ATP13A2: variants seen among roughly 807,000 people sequenced by gnomAD.
The protein encoded by ATP13A2 is polyamine-transporting ATPase 13A2.
ATP13A2 carries 83 observed loss-of-function variants against 138.3 expected under a neutral mutation model. That is an observed-to-expected ratio of 0.60 (90% CI 0.50 to 0.72). ATP13A2 has a LOEUF of 0.72. Ranked by LOEUF, ATP13A2 falls within the 30% of genes least tolerant of loss-of-function variation. ATP13A2 has a pLI of 0.00. For synonymous variants in ATP13A2, 663 were observed against 699.0 expected (o/e 0.95, Z 0.81); for missense variants, 1,402 against 1,606.4 (o/e 0.87, Z 2.17).
In ATP13A2 at chr1:17,005,564, C is replaced by T. The variant is rs200587951; in HGVS notation, c.106-8G>A. ...ACAGTAGCCGCTGAGCCTCTGCGAA[C>T]GCAGCGAGAGAGGGCCCAGGTCGGG... On this transcript the variant is annotated splice_polypyrimidine_tract_variant and splice_region_variant and intron_variant, in intron 2 of 28. Transcript: ENST00000326735. The T allele has an allele frequency of 9.5e-4, 1,533 of 1,614,108 alleles. 1 individual carries two copies. Among genetic ancestry groups the T allele is most frequent in the Non-Finnish European group, 1.1e-3 (1,321 of 1,180,056 alleles).
At chr1:17,001,771 G>A (rs1046687776) in intron 8 of ATP13A2, among the ~76,000 whole-genome samples, 1 of 152,198 alleles carries the variant, frequency 6.6e-6, no homozygotes, top group East Asian at 1.9e-4. Flanking sequence ...AGATGCTCAG[G>A]CTGCGTGGAT....
chr1:17,004,486 G>T lies in ATP13A2; in HGVS notation c.478-75C>A. 1 of 1,572,582 alleles carries T rather than the reference G, an allele frequency of 6.4e-7. No homozygotes were observed. Among genetic ancestry groups the T allele is most frequent in the Non-Finnish European group, 8.7e-7 (1 of 1,149,612 alleles). ...AAGCAGTGTGCTTATGCTGGGAGCC[G>T]AGGGATGGGGGTAGGGGGCAGGGAC... On this transcript the variant is annotated intron_variant, in intron 5 of 28. Coordinates refer to ENST00000326735, the MANE Select transcript of ATP13A2 (RefSeq NM_022089.4). This position sits in a 1 kb window ranked among gnomAD's most constrained non-coding sequence, Gnocchi z 4.1.
chr1:17,003,620 CACAT>C (rs1432789014), intron 6 of ATP13A2, among the ~76,000 whole-genome samples: 17 of 150,358 alleles, frequency 1.1e-4, no homozygotes, highest in African/African-American at 1.2e-4. Flanking sequence ...CACACACACA[CACAT>C]ACACACAAAC....
At chr1:16,990,383 C>T (rs956016608) in intron 20 of ATP13A2, 96 bp from the exon 21 acceptor site, 11 of 1,500,656 alleles carry the variant, frequency 7.3e-6, no homozygotes, top group African/African-American at 6.9e-5. Flanking sequence ...GGATGAAATC[C>T]GTCTGCCACC....
In ATP13A2 at chr1:16,991,708, G is replaced by C. The variant is rs746928639; in HGVS notation, c.2251+26C>G. 7.4e-6 allele frequency: 12 copies of C among 1,613,960 alleles called. No individual in the cohort carries two copies. The Middle Eastern group carries it at 1.3e-3, about 177-fold the overall frequency. On this transcript the variant is annotated intron_variant, in intron 20 of 28. Transcript: ENST00000326735. ...GGAAGGGGCGGATTCTGCCCTGCTA[G>C]CCCGGGCCCCTACATGCCATTGTAC...
Position 17,005,450 on chromosome 1 carries a change from C to G in ATP13A2, c.212G>C (p.Trp71Ser), listed in dbSNP as rs373607247. ...PLLLFRWKPL[W>S]GVRLRLRPCN... Reference sequence around the variant, plus strand: ...GGGCCGGAGCCGCAGCCGCACCCCCCACAGGGGCTTCCAACGGAAGAGCAG... The same window carrying G: ...GGGCCGGAGCCGCAGCCGCACCCCCGACAGGGGCTTCCAACGGAAGAGCAG... Residue 71 changes from tryptophan to serine, a missense_variant, in exon 3 of 29, where the codon TGG becomes TCG. Trp to Ser is a radical substitution (Grantham distance 177, BLOSUM62 -3). Transcript: ENST00000326735. 45 of 1,614,064 alleles carry G rather than the reference C, an allele frequency of 2.8e-5. No homozygotes were observed. The highest frequency in any genetic ancestry group is 2.0e-4 in the Admixed American group (12 of 59,996).
intron 11 of ATP13A2, among the ~76,000 whole-genome samples, chr1:16,999,133 C>A (rs1184973893): frequency 1.3e-5 from 2 of 152,078 alleles, no homozygotes; most frequent in Non-Finnish European, 2.9e-5. Flanking sequence ...GTAATCCCAG[C>A]ACTTTGGGAG....
rs192446884 is a variant in ATP13A2, at chr1:16,992,649, A to G, written c.1750-68T>C. 1,896 of 1,524,014 alleles carry G rather than the reference A, an allele frequency of 1.2e-3. 7 individuals carry two copies. Among genetic ancestry groups the G allele is most frequent in the Non-Finnish European group, 7.2e-4 (794 of 1,099,098 alleles). The allele number at this position is 1,524,014 out of a possible 1,614,324, so 94.4% of individuals were successfully genotyped here. A position where few individuals can be genotyped will look rare whatever the true frequency, so the allele number is the denominator to read the frequency against. On this transcript the variant is annotated intron_variant, in intron 16 of 28. Coordinates refer to ENST00000326735, the MANE Select transcript of ATP13A2 (RefSeq NM_022089.4). ...TCACAGAGAGATTTGAGCTAGACTC[A>G]GGGAAGACTTCCTTCATGGGAGACT...
Position 17,004,938 on chromosome 1 carries a change from G to C in ATP13A2, c.347+76C>G. On this transcript the variant is annotated intron_variant, in intron 4 of 28. Coordinates refer to ENST00000326735, the MANE Select transcript of ATP13A2 (RefSeq NM_022089.4). The surrounding 1 kb of genome is among the most constrained non-coding windows in gnomAD (Gnocchi z 4.1). ...GAGGCGCCAGAGTCAGCCTTTATGG[G>C]GGGGCCGAGGGTTGGGGAAGTTGGG... 3.1e-6 allele frequency: 5 copies of C among 1,611,946 alleles called. No homozygotes were observed. Among genetic ancestry groups the C allele is most frequent in the Admixed American group, 3.3e-5 (2 of 59,938 alleles).
At chr1:16,999,848 C>T (rs2077279475) in intron 11 of ATP13A2, among the ~76,000 whole-genome samples, 163 bp downstream of exon 11, 2 of 152,156 alleles carry the variant, frequency 1.3e-5, no homozygotes, top group African/African-American at 4.8e-5. Context: ...CTGCAGTGAG[C>T]TGAGATCATG....
intron 23 of ATP13A2, among the ~76,000 whole-genome samples, chr1:16,989,462 C>T (rs1370392458): frequency 1.3e-5 from 2 of 152,228 alleles, no homozygotes; most frequent in Non-Finnish European, 2.9e-5. Flanking sequence ...CCTCCCACCT[C>T]GGCCACTCAA....
chr1:16,990,606 C>T (rs1031873089), intron 20 of ATP13A2, among the ~76,000 whole-genome samples: 3 of 151,984 alleles, frequency 2.0e-5, no homozygotes, highest in African/African-American at 7.3e-5. Flanking sequence ...CAACCTCCTT[C>T]CTCCTGGGCT....
intron 19 of ATP13A2, 43 bp from the exon 20 acceptor site, chr1:16,991,901 AG>A (rs1159158226): frequency 1.9e-6 from 3 of 1,613,198 alleles, no homozygotes; most frequent in Admixed American, 1.7e-5. Context: ...TGCAGTGGCC[AG>A]GGCCCCTCTC....
At chr1:17,002,705 AG>A (rs1486186645) in intron 6 of ATP13A2, among the ~76,000 whole-genome samples, 1 of 152,142 alleles carries the variant, frequency 6.6e-6, no homozygotes, top group Non-Finnish European at 1.5e-5. Flanking sequence ...TCTGTGCCTC[AG>A]TTTTCTCATC....
At chr1:17,000,362 C>T in intron 9 of ATP13A2, 38 bp downstream of exon 9, 1 of 1,594,164 alleles carries the variant, frequency 6.3e-7, no homozygotes, top group Non-Finnish European at 8.5e-7. Flanking sequence ...CCCCTGGGGA[C>T]CCACCTGTCC....
At chr1:17,000,579 G>A (rs760354327) in intron 8 of ATP13A2, 45 bp from the exon 9 acceptor site, 4 of 1,599,006 alleles carry the variant, frequency 2.5e-6, no homozygotes, top group East Asian at 2.3e-5. Flanking sequence ...GTCCCCCAGG[G>A]CAGCCCAGCC....
intron 1 of ATP13A2, among the ~76,000 whole-genome samples, chr1:17,006,621 T>C (rs1045258362): frequency 6.6e-6 from 1 of 152,134 alleles, no homozygotes; most frequent in Admixed American, 6.6e-5. Context: ...GAATGGGGCC[T>C]GGACAGTGCC....
intron 6 of ATP13A2, among the ~76,000 whole-genome samples, chr1:17,003,287 G>C (rs1234860047): frequency 6.6e-6 from 1 of 152,168 alleles, no homozygotes; most frequent in Non-Finnish European, 1.5e-5. Context: ...GCAGGGCCCG[G>C]TGGCTCATGC....
intron 1 of ATP13A2, among the ~76,000 whole-genome samples, chr1:17,007,154 A>T (rs1008138567): frequency 4.6e-5 from 7 of 152,192 alleles, no homozygotes; most frequent in African/African-American, 1.4e-4. Context: ...CTGGGCTGAC[A>T]GGCTGAGCCA....
Sources: gnomAD v4.1 joint callset for allele counts (sites outside exome capture counted in the v4.1 genomes callset) on GRCh38, gnomAD v4.1.1 for gene constraint, Gnocchi (gnomAD v3.1) non-coding constraint, MANE v1.5 for transcripts, NCBI Gene and HGNC (gene_info 2026-07-23, HGNC 2026-07-21) for gene names.